ACRV1: variants seen among roughly 807,000 people sequenced by gnomAD.
ACRV1 encodes the protein acrosomal vesicle protein 1, also known as acrosomal protein SP-10.
A neutral mutation model predicts 29.2 loss-of-function variants in ACRV1; 17 were observed. The observed-to-expected ratio is 0.58, with a 90% CI of 0.40 to 0.87. The LOEUF (loss-of-function observed/expected upper bound fraction) is 0.87. Ranked by LOEUF, ACRV1 falls within the 40% of genes least tolerant of loss-of-function variation. The probability of loss-of-function intolerance (pLI) is 0.00; values close to 1 mark genes in which losing one functional copy is unlikely to be tolerated. For missense variants in ACRV1, 294 were observed against 316.0 expected, an observed-to-expected ratio of 0.93 and a Z score of 0.53; for synonymous variants, 98 against 111.6, an observed-to-expected ratio of 0.88 and a Z score of 0.77.
rs10522682 is a variant in ACRV1, at chr11:125,678,978, T to TTATATATATATA, written c.53-693_53-682dup. The stretch of plus-strand genomic sequence containing the variant: ...GTAAAAAAAAAAAAGTCTAGGCATA[T>TTATATATATATA]TATATATATATATATATATAGACAC... On this transcript the variant is annotated intron_variant, in intron 1 of 3. Coordinates refer to ENST00000533904, the MANE Select transcript of ACRV1 (RefSeq NM_001612.6). 1.2e-3 allele frequency among the ~76,000 whole-genome samples: 106 copies of TTATATATATATA among 88,428 alleles called. 2 individuals are homozygous for TTATATATATATA. The highest frequency in any genetic ancestry group is 2.2e-3 in the South Asian group (5 of 2,230). 58.0% of individuals were successfully genotyped at this position (88,428 alleles called of 152,430 possible). A position where few individuals can be genotyped will look rare whatever the true frequency, so the allele number is the denominator to read the frequency against.
At position 125,671,885 on chromosome 11, in the gene ACRV1, G is replaced by A. The variant is rs768692229; in HGVS notation, c.*708C>T. On this transcript the variant is annotated 3_prime_UTR_variant, in exon 4 of 4. Transcript: ENST00000533904. ...GAACATAACACTTATATGAGGGACC[G>A]TTTAGTATTTCCATTTGCCCTCCTA... The A allele has an allele frequency of 6.6e-6, 1 of 152,140 alleles. No individual in the cohort carries two copies. The highest frequency in any genetic ancestry group is 1.5e-5 in the Non-Finnish European group (1 of 68,034). The allele number at this position is 152,140 out of a possible 1,614,324, so 9.4% of individuals were successfully genotyped here. A position where few individuals can be genotyped will look rare whatever the true frequency, so the allele number is the denominator to read the frequency against.
In ACRV1 at chr11:125,680,839, A is replaced by G; in HGVS notation, c.-59T>C. On this transcript the variant is annotated 5_prime_UTR_variant, in exon 1 of 4. Transcript: ENST00000533904. ...GCCACAGCTTCTTCACAGAGCTATGAAGCAAACTGCGAGCAAAAGCTTCCA... is the reference window on the plus strand; with the variant it reads ...GCCACAGCTTCTTCACAGAGCTATGGAGCAAACTGCGAGCAAAAGCTTCCA... 20 of 1,449,982 alleles carry G rather than the reference A, an allele frequency of 1.4e-5. No homozygotes were observed. The highest frequency in any genetic ancestry group is 1.9e-5 in the Non-Finnish European group (20 of 1,041,452). The allele number at this position is 1,449,982 out of a possible 1,614,324, so 89.8% of individuals were successfully genotyped here.
chr11:125,673,307 C>T (rs1036192092), intron 3 of ACRV1, among the ~76,000 whole-genome samples: 5 of 151,642 alleles, frequency 3.3e-5, no homozygotes, highest in East Asian at 1.9e-4. Flanking sequence ...CAGGTTCAAG[C>T]GATTGTCCTC....
In ACRV1 at chr11:125,680,447, A is replaced by T. The variant is rs551786204; in HGVS notation, c.52+282T>A. Among the ~76,000 whole-genome samples the T allele has an allele frequency of 7.9e-5, 12 of 152,322 alleles. No homozygotes were observed. In the East Asian group the frequency reaches 2.1e-3, roughly 27 times the overall value. ...TTCATTGGGCTTCTACAGAACCCCTAAGCCTACTTTTTCATCTCATGCAGC... is the reference window on the plus strand; with the variant it reads ...TTCATTGGGCTTCTACAGAACCCCTTAGCCTACTTTTTCATCTCATGCAGC... On this transcript the variant is annotated intron_variant, in intron 1 of 3. Transcript: ENST00000533904.
At chr11:125,680,174 C>A (rs1211018276) in intron 1 of ACRV1, among the ~76,000 whole-genome samples, 1 of 152,174 alleles carries the variant, frequency 6.6e-6, no homozygotes, top group Non-Finnish European at 1.5e-5. Flanking sequence ...AGCTCATGGC[C>A]TCTTTCTGCT....
chr11:125,677,160 A>T (rs1782721127), intron 2 of ACRV1, among the ~76,000 whole-genome samples: 1 of 152,204 alleles, frequency 6.6e-6, no homozygotes, highest in Admixed American at 6.5e-5. Flanking sequence ...CACTTCTTTC[A>T]TCTGAAAATT....
Position 125,675,958 on chromosome 11 carries a change from A to C in ACRV1, c.673+401T>G, listed in dbSNP as rs556856876. 6.9e-4 allele frequency: 110 copies of C among 158,408 alleles called. 1 individual carries two copies. The highest frequency in any genetic ancestry group is 1.2e-3 in the Non-Finnish European group (84 of 71,900). The allele number at this position is 158,408 out of a possible 1,614,324, so 9.8% of individuals were successfully genotyped here. On this transcript the variant is annotated intron_variant, in intron 3 of 3. Coordinates refer to ENST00000533904, the MANE Select transcript of ACRV1 (RefSeq NM_001612.6). ...GTTTCACTCTTGTCTCCCAGGCTGG[A>C]GTACAATGGCATGATCTCAGCTTAC...
At chr11:125,680,291 GA>G (rs1942738187) in intron 1 of ACRV1, among the ~76,000 whole-genome samples, 1 of 152,192 alleles carries the variant, frequency 6.6e-6, no homozygotes, top group Admixed American at 6.5e-5. Context: ...AGAGGCTTAT[GA>G]AGTCTCTGGC....
chr11:125,678,523 A>T (rs1402366700), intron 1 of ACRV1, among the ~76,000 whole-genome samples: 1 of 152,156 alleles, frequency 6.6e-6, no homozygotes, highest in East Asian at 1.9e-4. Context: ...CTGGGATTGA[A>T]GGGAAGAATC....
intron 2 of ACRV1, 127 bp downstream of exon 2, chr11:125,677,668 TGA>T: frequency 3.9e-6 from 5 of 1,285,410 alleles, no homozygotes; most frequent in Non-Finnish European, 5.4e-6. Flanking sequence ...AGAGAGACTT[TGA>T]GAGAGCTGTT....
chr11:125,674,698 C>T (rs962237613), intron 3 of ACRV1, among the ~76,000 whole-genome samples: 1 of 152,204 alleles, frequency 6.6e-6, no homozygotes, highest in African/African-American at 2.4e-5. Flanking sequence ...GGGCTACTGG[C>T]TCTGCCTTTT....
At chr11:125,674,390 A>C (rs1303815939) in intron 3 of ACRV1, among the ~76,000 whole-genome samples, 2 of 152,236 alleles carry the variant, frequency 1.3e-5, no homozygotes, top group Non-Finnish European at 2.9e-5. Context: ...AAGAATTGTT[A>C]GCATTTCGAT....
chr11:125,676,246 G>T (rs1039923932), intron 3 of ACRV1, 113 bp downstream of exon 3: 15 of 1,357,704 alleles, frequency 1.1e-5, no homozygotes, highest in Non-Finnish European at 1.3e-5. Flanking sequence ...ATAAAGTTCT[G>T]AATCTTCAAG....
chr11:125,674,597 A>G lies in ACRV1; in HGVS notation c.673+1762T>C, dbSNP rs190859497. Among the ~76,000 whole-genome samples, 29 of 152,324 alleles carry G rather than the reference A, an allele frequency of 1.9e-4. 1 individual carries two copies. Among genetic ancestry groups the G allele is most frequent in the Admixed American group, 1.8e-3 (27 of 15,300 alleles). ...CACTCCTATTACCTTTTACTGAAAT[A>G]TTACAATAGCCCTTTAACAGGTTCT... On this transcript the variant is annotated intron_variant, in intron 3 of 3. Transcript: ENST00000533904.
chr11:125,674,738 A>C (rs764220546), intron 3 of ACRV1, among the ~76,000 whole-genome samples: 2 of 152,184 alleles, frequency 1.3e-5, no homozygotes, highest in Non-Finnish European at 2.9e-5. Context: ...GCAAGCTCCT[A>C]CTTTGTGAGG....
intron 1 of ACRV1, 101 bp from the exon 2 acceptor site, chr11:125,678,398 T>C (rs1942629131): frequency 7.1e-7 from 1 of 1,405,908 alleles, no homozygotes; most frequent in Admixed American, 2.2e-5. Context: ...ACTCCTAGGT[T>C]TCCTATGGGC....
intron 3 of ACRV1, among the ~76,000 whole-genome samples, chr11:125,674,112 C>G (rs1942360311): frequency 6.6e-6 from 1 of 151,996 alleles, no homozygotes; most frequent in African/African-American, 2.4e-5. Context: ...CCACTGCACT[C>G]AGCCTGGGTG....
At chr11:125,675,042 C>T (rs1234977841) in intron 3 of ACRV1, among the ~76,000 whole-genome samples, 1 of 152,224 alleles carries the variant, frequency 6.6e-6, no homozygotes, top group Admixed American at 6.5e-5. Flanking sequence ...TTAATCTTGA[C>T]TGCACATCGG....
chr11:125,673,025 G>C (rs1942277892), intron 3 of ACRV1, among the ~76,000 whole-genome samples: 1 of 151,838 alleles, frequency 6.6e-6, no homozygotes, highest in Non-Finnish European at 1.5e-5. Context: ...TTTCCTTACA[G>C]CCTTCCCAGA....
Sources: allele counts gnomAD v4.1 joint callset (sites outside exome capture counted in the v4.1 genomes callset), GRCh38; gene constraint gnomAD v4.1.1; transcripts MANE v1.5; gene names NCBI Gene and HGNC (gene_info 2026-07-23, HGNC 2026-07-21).